The following GRM8 variants were observed in gnomAD, a reference collection of about 807,000 sequenced individuals.
The protein encoded by GRM8 is metabotropic glutamate receptor 8.
Under a neutral mutation model 87.2 loss-of-function variants are expected in GRM8, and 47 were observed. The ratio of observed to expected loss-of-function variants is 0.54; its 90% CI spans 0.43 to 0.69. The LOEUF is 0.69. Among genes scored for constraint, GRM8 ranks in the 30% least tolerant of loss-of-function variants. The probability of loss-of-function intolerance (pLI) is 0.00; values close to 1 mark genes in which losing one functional copy is unlikely to be tolerated. For missense variants in GRM8, 1,019 were observed against 1,139.2 expected, an observed-to-expected ratio of 0.89 and a Z score of 1.52; for synonymous variants, 396 against 404.5, an observed-to-expected ratio of 0.98 and a Z score of 0.25.
chr7:126,930,237 C>G lies in GRM8; in HGVS notation c.728-25554G>C, dbSNP rs111357982. On this transcript the variant is annotated intron_variant, in intron 3 of 10. Transcript: ENST00000339582. ...TGGCTGTGTGATCTTACTGAAGCTA[C>G]TTAACTTCTCTGTGCCTGTTTTCTC... Among the ~76,000 whole-genome samples, 103 of 152,318 alleles carry G rather than the reference C, an allele frequency of 6.8e-4. 1 individual carries two copies. The highest frequency in any genetic ancestry group is 2.4e-3 in the African/African-American group (98 of 41,574).
intron 3 of GRM8, among the ~76,000 whole-genome samples, chr7:127,059,328 T>C (rs1478091780): frequency 6.9e-6 from 1 of 144,804 alleles, no homozygotes; most frequent in African/African-American, 2.5e-5. Context: ...TTTTTTTTTT[T>C]TGCTTTTTTT....
chr7:127,045,021 A>ATGT lies in GRM8; in HGVS notation c.727+61474_727+61475insACA, dbSNP rs1173728704. ...TCTCTGTTTCTCCTCAGAAACAGCC[A>ATGT]CTATGTCATGAATGTGGTTCATATT... On this transcript the variant is annotated intron_variant, in intron 3 of 10. Coordinates refer to ENST00000339582, the MANE Select transcript of GRM8 (RefSeq NM_000845.3). 2.0e-5 allele frequency among the ~76,000 whole-genome samples: 3 copies of ATGT among 152,300 alleles called. No homozygotes were observed. In the East Asian group the frequency reaches 5.8e-4, roughly 29 times the overall value.
At position 126,689,209 on chromosome 7, in the gene GRM8, C is replaced by G. The variant is rs1414823157; in HGVS notation, c.1358-79711G>C. 2.6e-5 allele frequency among the ~76,000 whole-genome samples: 4 copies of G among 152,264 alleles called. No individual in the cohort carries two copies. In the South Asian group the frequency reaches 8.3e-4, roughly 32 times the overall value. Reference sequence around the variant, plus strand: ...CAAGAGGCTTCAGGAATGTGTGCCTCTCTTGCTGACACCAGCCTATAAATT... The same window carrying G: ...CAAGAGGCTTCAGGAATGTGTGCCTGTCTTGCTGACACCAGCCTATAAATT... On this transcript the variant is annotated intron_variant, in intron 7 of 10. Transcript: ENST00000339582.
At chr7:127,086,659 T>C (rs901713711) in intron 3 of GRM8, among the ~76,000 whole-genome samples, 1 of 152,188 alleles carries the variant, frequency 6.6e-6, no homozygotes, top group Non-Finnish European at 1.5e-5. Flanking sequence ...TGTGTGTATA[T>C]CTAGCAATTA....
At chr7:126,729,032 T>C (rs937245783) in intron 7 of GRM8, among the ~76,000 whole-genome samples, 4 of 147,512 alleles carry the variant, frequency 2.7e-5, no homozygotes, top group African/African-American at 1.0e-4. Context: ...TTCACTCTTT[T>C]TCTCCTCACC....
At chr7:126,740,330 T>C (rs2151507678) in intron 7 of GRM8, among the ~76,000 whole-genome samples, 1 of 152,178 alleles carries the variant, frequency 6.6e-6, no homozygotes, top group East Asian at 1.9e-4. Context: ...TATGGGGCAA[T>C]TTTTTATTCC....
intron 8 of GRM8, among the ~76,000 whole-genome samples, chr7:126,554,209 T>A (rs1201820105): frequency 1.3e-5 from 2 of 152,150 alleles, no homozygotes; most frequent in African/African-American, 4.8e-5. Flanking sequence ...ACATAAGATT[T>A]TTTTAAATTG....
intron 3 of GRM8, among the ~76,000 whole-genome samples, chr7:127,017,037 C>T (rs933585786): frequency 1.3e-5 from 2 of 151,978 alleles, no homozygotes; most frequent in African/African-American, 4.8e-5. Context: ...AAGTTTCATA[C>T]CTATTAATTT....
At chr7:126,724,802 T>C (rs1812787955) in intron 7 of GRM8, among the ~76,000 whole-genome samples, 1 of 150,774 alleles carries the variant, frequency 6.6e-6, no homozygotes, top group Non-Finnish European at 1.5e-5. Flanking sequence ...TTTTAATACA[T>C]CTCCTGTTAT....
At chr7:126,552,937 C>T (rs1319124750) in intron 8 of GRM8, among the ~76,000 whole-genome samples, 1 of 152,042 alleles carries the variant, frequency 6.6e-6, no homozygotes, top group Non-Finnish European at 1.5e-5. Context: ...CTCAATTTCC[C>T]CATCTGAGAA....
At chr7:127,024,091 T>C (rs1444211555) in intron 3 of GRM8, among the ~76,000 whole-genome samples, 1 of 152,106 alleles carries the variant, frequency 6.6e-6, no homozygotes, top group Non-Finnish European at 1.5e-5. Context: ...TTTAGTCAAA[T>C]ATGGAACTGG....
chr7:127,037,792 T>C (rs17863186), intron 3 of GRM8, among the ~76,000 whole-genome samples: 75 of 152,012 alleles, frequency 4.9e-4, no homozygotes, highest in Non-Finnish European at 8.8e-4. Flanking sequence ...GCTAGTCAGA[T>C]GCTGAATTCC....
chr7:126,634,890 C>A (rs1420911073), intron 7 of GRM8, among the ~76,000 whole-genome samples: 2 of 152,108 alleles, frequency 1.3e-5, no homozygotes, highest in African/African-American at 4.8e-5. Context: ...GTTAAATAAT[C>A]TCCATGAGGG....
At chr7:126,928,540 T>C (rs975899071) in intron 3 of GRM8, among the ~76,000 whole-genome samples, 2 of 151,824 alleles carry the variant, frequency 1.3e-5, no homozygotes, top group African/African-American at 4.8e-5. Flanking sequence ...GGTATGGTGG[T>C]TTGCACCTGT....
intron 7 of GRM8, among the ~76,000 whole-genome samples, chr7:126,751,692 T>TA (rs1816433332): frequency 1.3e-5 from 2 of 152,158 alleles, no homozygotes; most frequent in African/African-American, 2.4e-5. Flanking sequence ...AACTCCATAG[T>TA]GAAAATTCAT....
At chr7:126,603,943 T>C (rs1294185232) in intron 8 of GRM8, among the ~76,000 whole-genome samples, 1 of 152,076 alleles carries the variant, frequency 6.6e-6, no homozygotes, top group Non-Finnish European at 1.5e-5. Flanking sequence ...ATATTTTTCA[T>C]TATATAAAAG....
intron 8 of GRM8, among the ~76,000 whole-genome samples, chr7:126,551,999 T>A (rs768116996): frequency 6.6e-6 from 1 of 152,170 alleles, no homozygotes; most frequent in Non-Finnish European, 1.5e-5. Flanking sequence ...ATGAAAATTA[T>A]ATGCTTCACT....
chr7:126,582,969 G>A (rs1795746289), intron 8 of GRM8, among the ~76,000 whole-genome samples: 1 of 152,156 alleles, frequency 6.6e-6, no homozygotes, highest in Admixed American at 6.5e-5. Context: ...TATATAGAGA[G>A]ATCAATGTTG....
At chr7:127,148,582 A>G (rs186858624) in intron 2 of GRM8, among the ~76,000 whole-genome samples, 1 of 152,156 alleles carries the variant, frequency 6.6e-6, no homozygotes, top group African/African-American at 2.4e-5. Flanking sequence ...TTAGGCCACG[A>G]AACAATCTTA....
Sources: allele counts gnomAD v4.1 joint callset (sites outside exome capture counted in the v4.1 genomes callset), GRCh38; gene constraint gnomAD v4.1.1; transcripts MANE v1.5; gene names NCBI Gene and HGNC (gene_info 2026-07-23, HGNC 2026-07-21).